UNC13C: variants seen among roughly 807,000 people sequenced by gnomAD.
UNC13C encodes unc-13 homolog C, also known as protein unc-13 homolog C.
In UNC13C, 174 loss-of-function variants were observed where a neutral mutation model predicts 245.4. The observed-to-expected ratio is 0.71, with a 90% CI of 0.63 to 0.80. The LOEUF is 0.80. UNC13C is among the 30% of genes least tolerant of loss of function. UNC13C has a pLI of 0.00. For missense variants in UNC13C, 2,829 were observed against 2,602.9 expected, an observed-to-expected ratio of 1.09 and a Z score of -1.89; for synonymous variants, 992 against 895.1, an observed-to-expected ratio of 1.11 and a Z score of -1.93.
In UNC13C at chr15:54,143,011, C is replaced by T. The variant is rs2032093672; in HGVS notation, c.2984-7C>T. 1 of 1,611,646 alleles carries T rather than the reference C, an allele frequency of 6.2e-7. No homozygotes were observed. Among genetic ancestry groups the T allele is most frequent in the Non-Finnish European group, 8.5e-7 (1 of 1,178,810 alleles). On this transcript the variant is annotated splice_polypyrimidine_tract_variant and splice_region_variant and intron_variant, in intron 2 of 32. Coordinates refer to ENST00000260323, the MANE Select transcript of UNC13C (RefSeq NM_001080534.3). ...ATTTATCCCTTCTTTTCCTGATTCT[C>T]TTTCAGATAGCAGTTCTGTGGATGA...
chr15:54,062,006 A>T (rs1035642241), intron 2 of UNC13C, among the ~76,000 whole-genome samples: 2 of 152,004 alleles, frequency 1.3e-5, no homozygotes, highest in East Asian at 1.9e-4. Flanking sequence ...ACTCAAGATG[A>T]CTTCATATAT....
chr15:54,234,754 G>A (rs1171343846), intron 4 of UNC13C, among the ~76,000 whole-genome samples: 1 of 152,128 alleles, frequency 6.6e-6, no homozygotes, highest in African/African-American at 2.4e-5. Flanking sequence ...TTTCCTCTGT[G>A]ATACTAACAG....
chr15:54,531,917 T>C (rs980604361), intron 25 of UNC13C, among the ~76,000 whole-genome samples: 3 of 152,178 alleles, frequency 2.0e-5, no homozygotes, highest in Admixed American at 1.3e-4. Context: ...TTATATAAAT[T>C]GAGTCATACA....
At chr15:54,619,278 T>C (rs942061031) in intron 30 of UNC13C, among the ~76,000 whole-genome samples, 2 of 152,162 alleles carry the variant, frequency 1.3e-5, no homozygotes, top group African/African-American at 2.4e-5. Flanking sequence ...TGGATGCTTA[T>C]CTAGAATCTC....
At chr15:54,418,994 T>C (rs954566319) in intron 19 of UNC13C, among the ~76,000 whole-genome samples, 2 of 152,120 alleles carry the variant, frequency 1.3e-5, no homozygotes, top group African/African-American at 4.8e-5. Context: ...TTGAAACTAC[T>C]TGTTTTGTAT....
At chr15:54,311,005 G>T (rs1173638591) in intron 13 of UNC13C, among the ~76,000 whole-genome samples, 1 of 151,592 alleles carries the variant, frequency 6.6e-6, no homozygotes, top group Non-Finnish European at 1.5e-5. Flanking sequence ...GTCATGAAAA[G>T]GCAAGTTCAA....
At chr15:54,607,412 ATAT>A (rs1899825602) in intron 30 of UNC13C, among the ~76,000 whole-genome samples, 1 of 152,166 alleles carries the variant, frequency 6.6e-6, no homozygotes, top group Non-Finnish European at 1.5e-5. Flanking sequence ...GAAAGAAAAA[ATAT>A]TATTAATCCT....
intron 2 of UNC13C, among the ~76,000 whole-genome samples, chr15:54,024,944 A>AC (rs965538886): frequency 1.3e-5 from 2 of 151,718 alleles, no homozygotes; most frequent in African/African-American, 4.8e-5. Context: ...ATAATAAAAA[A>AC]ATGCTATGGA....
At chr15:54,195,411 T>A (rs1192597303) in intron 4 of UNC13C, among the ~76,000 whole-genome samples, 1 of 152,170 alleles carries the variant, frequency 6.6e-6, no homozygotes, top group African/African-American at 2.4e-5. Context: ...TAACATTTGT[T>A]TTGGAAAGAG....
intron 30 of UNC13C, among the ~76,000 whole-genome samples, chr15:54,583,778 G>A (rs1050402358): frequency 3.3e-5 from 5 of 152,072 alleles, no homozygotes; most frequent in Non-Finnish European, 7.4e-5. Flanking sequence ...TTTGTAATGC[G>A]GCCCATTTGC....
At chr15:54,567,602 T>C (rs150123689) in intron 29 of UNC13C, among the ~76,000 whole-genome samples, 198 bp from the exon 30 acceptor site, 80 of 152,306 alleles carry the variant, frequency 5.3e-4, no homozygotes, top group African/African-American at 1.9e-3. Flanking sequence ...GTCTGTGATG[T>C]TGAGTGTCAT....
chr15:54,341,604 A>T (rs1596251998), intron 17 of UNC13C, among the ~76,000 whole-genome samples: 1 of 140,872 alleles, frequency 7.1e-6, no homozygotes, highest in African/African-American at 2.5e-5. Context: ...AAATTTCAGG[A>T]ATACAAAAAA....
intron 25 of UNC13C, among the ~76,000 whole-genome samples, chr15:54,529,268 G>A (rs1006380255): frequency 6.6e-6 from 1 of 152,144 alleles, no homozygotes; most frequent in African/African-American, 2.4e-5. Flanking sequence ...TTATGAACAA[G>A]TGTATGTATA....
intron 4 of UNC13C, among the ~76,000 whole-genome samples, chr15:54,171,149 A>G (rs571174370): frequency 1.1e-4 from 16 of 152,066 alleles, no homozygotes; most frequent in Non-Finnish European, 1.8e-4. Flanking sequence ...GTCTCTCTAT[A>G]ATCAATCCCA....
At chr15:54,504,381 A>G (rs554902021) in intron 22 of UNC13C, among the ~76,000 whole-genome samples, 1 of 152,218 alleles carries the variant, frequency 6.6e-6, no homozygotes, top group East Asian at 1.9e-4. Context: ...ACATTTTCTT[A>G]TTCTTCACAA....
At chr15:54,511,983 G>T (rs1334423610) in intron 24 of UNC13C, among the ~76,000 whole-genome samples, 153 bp downstream of exon 24, 1 of 152,136 alleles carries the variant, frequency 6.6e-6, no homozygotes, top group Non-Finnish European at 1.5e-5. Flanking sequence ...CAACTAAAAT[G>T]ATTATTATCC....
chr15:54,488,534 G>C (rs1200313081), intron 19 of UNC13C, among the ~76,000 whole-genome samples: 2 of 152,120 alleles, frequency 1.3e-5, no homozygotes, highest in Non-Finnish European at 2.9e-5. Context: ...CCTTTGGCAT[G>C]AGAATAGGTC....
intron 30 of UNC13C, among the ~76,000 whole-genome samples, chr15:54,596,204 A>AT (rs915021236): frequency 1.3e-5 from 2 of 152,140 alleles, no homozygotes; most frequent in African/African-American, 4.8e-5. Context: ...AGAAAGTTGT[A>AT]TTTTTTTCAT....
intron 18 of UNC13C, among the ~76,000 whole-genome samples, chr15:54,402,790 G>A (rs2040214133): frequency 6.6e-6 from 1 of 151,972 alleles, no homozygotes; most frequent in Admixed American, 6.6e-5. Flanking sequence ...ATAACAAAAG[G>A]GTTAATGTTA....
Sources: allele counts gnomAD v4.1 joint callset (sites outside exome capture counted in the v4.1 genomes callset), GRCh38; gene constraint gnomAD v4.1.1; transcripts MANE v1.5; gene names NCBI Gene and HGNC (gene_info 2026-07-23, HGNC 2026-07-21).